Variants in PKNOX2 observed in about 807,000 individuals in gnomAD.
PKNOX2 encodes PBX/knotted 1 homeobox 2.
In PKNOX2, 14 loss-of-function variants were observed where a neutral mutation model predicts 53.1. The ratio of observed to expected loss-of-function variants is 0.26; its 90% CI spans 0.17 to 0.41. PKNOX2 has a LOEUF of 0.41. PKNOX2 is among the 10% of genes least tolerant of loss of function. The pLI is 1.00. For synonymous variants in PKNOX2, 257 were observed against 242.8 expected (o/e 1.06, Z -0.54); for missense variants, 496 against 602.8 (o/e 0.82, Z 1.85).
At chr11:125,347,163 C>T (rs892471335) in intron 3 of PKNOX2, among the ~76,000 whole-genome samples, 1 of 152,126 alleles carries the variant, frequency 6.6e-6, no homozygotes, top group Non-Finnish European at 1.5e-5. Context: ...GCCCCGTCTC[C>T]AGTTTGGGGC....
chr11:125,230,097 G>GC (rs1942075153), intron 1 of PKNOX2, among the ~76,000 whole-genome samples: 1 of 152,224 alleles, frequency 6.6e-6, no homozygotes, highest in Non-Finnish European at 1.5e-5. Flanking sequence ...CACAGAGGAA[G>GC]CCTTTCCAGG....
intron 1 of PKNOX2, among the ~76,000 whole-genome samples, chr11:125,201,639 G>C (rs928940188): frequency 2.0e-5 from 3 of 152,186 alleles, no homozygotes; most frequent in African/African-American, 7.2e-5. Flanking sequence ...ACTGGAAGCA[G>C]GAAGTGTGCC....
chr11:125,382,013 A>C (rs568398154), intron 5 of PKNOX2, among the ~76,000 whole-genome samples: 58 of 152,322 alleles, frequency 3.8e-4, no homozygotes, highest in African/African-American at 1.3e-3. Context: ...GCCTAGTGCT[A>C]GTAGCTGGGG....
At chr11:125,221,592 A>G (rs1383880196) in intron 1 of PKNOX2, among the ~76,000 whole-genome samples, 1 of 152,188 alleles carries the variant, frequency 6.6e-6, no homozygotes, top group Admixed American at 6.5e-5. Context: ...TGTAGCTGGA[A>G]AGGATTAGAA....
intron 2 of PKNOX2, among the ~76,000 whole-genome samples, chr11:125,300,460 T>C (rs183943956): frequency 1.3e-5 from 2 of 152,318 alleles, no homozygotes; most frequent in African/African-American, 4.8e-5. Context: ...GTTCTCCAGC[T>C]GGCAAGCAAC....
At chr11:125,167,006 G>A (rs1954927703) in intron 1 of PKNOX2, among the ~76,000 whole-genome samples, 1 of 152,122 alleles carries the variant, frequency 6.6e-6, no homozygotes, top group Non-Finnish European at 1.5e-5. Context: ...TCTCTCTGCC[G>A]TTCTGGCCTT....
At chr11:125,383,335 C>T (rs1330501067) in intron 5 of PKNOX2, among the ~76,000 whole-genome samples, 11 of 151,176 alleles carry the variant, frequency 7.3e-5, no homozygotes, top group African/African-American at 1.9e-4. Context: ...CTCGGTAGGA[C>T]GTGGTGGCTC....
At chr11:125,386,504 C>T (rs921295937) in intron 6 of PKNOX2, among the ~76,000 whole-genome samples, 3 of 152,102 alleles carry the variant, frequency 2.0e-5, no homozygotes, top group African/African-American at 7.2e-5. Context: ...TCTAACTAGT[C>T]ATCTTGGAAT....
Position 125,172,899 on chromosome 11 carries a change from C to T in PKNOX2, c.-201+8123C>T, listed in dbSNP as rs547579588. ...GCCTGGGACAAATGGATGTTCCTAG[C>T]GATAGGGGATGGCTCCATGAGGCAG... On this transcript the variant is annotated intron_variant, in intron 1 of 12. Coordinates refer to ENST00000298282, the MANE Select transcript of PKNOX2 (RefSeq NM_001382323.2). Among the ~76,000 whole-genome samples the T allele has an allele frequency of 5.5e-4, 83 of 152,226 alleles. 1 individual carries two copies. The South Asian group carries it at 6.2e-3, about 11-fold the overall frequency.
At chr11:125,255,344 G>A (rs878872412) in intron 2 of PKNOX2, among the ~76,000 whole-genome samples, 1 of 152,108 alleles carries the variant, frequency 6.6e-6, no homozygotes, top group African/African-American at 2.4e-5. Context: ...CTCTAGCCTC[G>A]CTCATATCAT....
At chr11:125,177,171 G>A (rs779244699) in intron 1 of PKNOX2, among the ~76,000 whole-genome samples, 3 of 152,170 alleles carry the variant, frequency 2.0e-5, no homozygotes, top group Non-Finnish European at 4.4e-5. Context: ...TACATGGGAG[G>A]GAGTCAACTT....
intron 2 of PKNOX2, among the ~76,000 whole-genome samples, chr11:125,325,359 C>A (rs1391798236): frequency 6.6e-6 from 1 of 152,162 alleles, no homozygotes; most frequent in Non-Finnish European, 1.5e-5. Flanking sequence ...GGGAGGGACA[C>A]ACCTAGGAAC....
intron 2 of PKNOX2, among the ~76,000 whole-genome samples, chr11:125,309,716 T>C (rs1017825618): frequency 6.6e-6 from 1 of 152,160 alleles, no homozygotes; most frequent in African/African-American, 2.4e-5. Context: ...TATTTCTCTC[T>C]ACTCAACATC....
chr11:125,373,843 G>A (rs1002804293), intron 5 of PKNOX2, among the ~76,000 whole-genome samples: 13 of 152,244 alleles, frequency 8.5e-5, no homozygotes, highest in African/African-American at 3.1e-4. Flanking sequence ...GCTCAAAAAA[G>A]TGTTTGTGGA....
chr11:125,262,704 G>A (rs143091936), intron 2 of PKNOX2, among the ~76,000 whole-genome samples: 3 of 152,052 alleles, frequency 2.0e-5, no homozygotes, highest in African/African-American at 4.8e-5. Flanking sequence ...GGAGGGGCTC[G>A]GAACTAGCTG....
At chr11:125,408,528 C>G (rs1955259393) in intron 7 of PKNOX2, among the ~76,000 whole-genome samples, 1 of 152,222 alleles carries the variant, frequency 6.6e-6, no homozygotes, top group Admixed American at 6.5e-5. Flanking sequence ...GCGTGCTTGG[C>G]TCCTCTCCTC....
intron 2 of PKNOX2, among the ~76,000 whole-genome samples, chr11:125,316,017 G>T (rs868164453): frequency 5.9e-5 from 9 of 152,206 alleles, no homozygotes; most frequent in Admixed American, 5.2e-4. Flanking sequence ...TGGAGGCAAA[G>T]ATGTCCATAC....
intron 2 of PKNOX2, among the ~76,000 whole-genome samples, chr11:125,289,822 G>GGTGCTC (rs1300025519): frequency 6.6e-6 from 1 of 152,120 alleles, no homozygotes; most frequent in East Asian, 1.9e-4. Flanking sequence ...CGTGTCACTC[G>GGTGCTC]GTGCTCATTA....
rs550496757 is a variant in PKNOX2, at chr11:125,205,060, G to A, written c.-200-29985G>A. On this transcript the variant is annotated intron_variant, in intron 1 of 12. Coordinates refer to ENST00000298282, the MANE Select transcript of PKNOX2 (RefSeq NM_001382323.2). ...TGCTGTAGTCCCAGAACCCAGCATC[G>A]TGCTGAGCACAGGGCTTGTGTCCAT... 3.3e-5 allele frequency among the ~76,000 whole-genome samples: 5 copies of A among 152,338 alleles called. 1 individual carries two copies. The highest frequency in any genetic ancestry group is 3.9e-4 in the East Asian group (2 of 5,182).
Sources: gnomAD v4.1 joint callset for allele counts (sites outside exome capture counted in the v4.1 genomes callset) on GRCh38, gnomAD v4.1.1 for gene constraint, MANE v1.5 for transcripts, NCBI Gene and HGNC (gene_info 2026-07-23, HGNC 2026-07-21) for gene names.